CREBBP: variants seen among roughly 807,000 people sequenced by gnomAD.
CREBBP encodes CREB binding lysine acetyltransferase.
In CREBBP, 19 loss-of-function variants were observed where a neutral mutation model predicts 265.0. The observed-to-expected ratio is 0.07, with a 90% CI of 0.05 to 0.11. The LOEUF (loss-of-function observed/expected upper bound fraction) is 0.11, where lower values mean the gene tolerates loss of function less well. Among genes scored for constraint, CREBBP ranks in the 10% least tolerant of loss-of-function variants. CREBBP has a pLI of 1.00. For missense variants in CREBBP, 2,525 were observed against 3,219.0 expected (o/e 0.78, Z 5.22); for synonymous variants, 1,457 against 1,223.7 (o/e 1.19, Z -3.98).
chr16:3,844,960 A>G (rs1252026884), intron 2 of CREBBP, among the ~76,000 whole-genome samples: 1 of 152,224 alleles, frequency 6.6e-6, no homozygotes, highest in African/African-American at 2.4e-5. Flanking sequence ...GATAATTTAT[A>G]TGTATAAGAA....
At chr16:3,804,458 G>A (rs2053788949) in intron 3 of CREBBP, among the ~76,000 whole-genome samples, 1 of 152,180 alleles carries the variant, frequency 6.6e-6, no homozygotes, top group African/African-American at 2.4e-5. Flanking sequence ...TCAAAGGGTT[G>A]TGGAAAAGGT....
intron 18 of CREBBP, 79 bp from the exon 19 acceptor site, chr16:3,757,455 A>C (rs928876917): frequency 4.2e-6 from 5 of 1,185,400 alleles, no homozygotes; most frequent in Middle Eastern, 2.3e-4. Flanking sequence ...TCTACTATAG[A>C]GACTAGTAAA....
intron 15 of CREBBP, among the ~76,000 whole-genome samples, chr16:3,768,858 C>T (rs1053115908): frequency 1.3e-5 from 2 of 152,286 alleles, no homozygotes; most frequent in African/African-American, 4.8e-5. Flanking sequence ...GAATCCACCA[C>T]CCCTTCTGTA....
At chr16:3,749,078 C>T (rs868212561) in intron 21 of CREBBP, among the ~76,000 whole-genome samples, 2 of 152,280 alleles carry the variant, frequency 1.3e-5, no homozygotes, top group East Asian at 1.9e-4. Flanking sequence ...ACCCGGGAGG[C>T]GGAGCCTGCA....
chr16:3,832,911 A>G (rs1183922428), intron 2 of CREBBP, among the ~76,000 whole-genome samples: 1 of 152,176 alleles, frequency 6.6e-6, no homozygotes, highest in Non-Finnish European at 1.5e-5. Context: ...AAAACACCCT[A>G]TGATTCATCT....
intron 2 of CREBBP, among the ~76,000 whole-genome samples, chr16:3,827,532 C>T (rs1387741998): frequency 2.0e-5 from 3 of 151,840 alleles, no homozygotes; most frequent in Non-Finnish European, 4.4e-5. Flanking sequence ...GCTGGGACTA[C>T]AGGCGCCCGC....
chr16:3,735,998 G>A (rs2052047789), intron 28 of CREBBP, 38 bp downstream of exon 28: 1 of 1,614,114 alleles, frequency 6.2e-7, no homozygotes, highest in Non-Finnish European at 8.5e-7. Flanking sequence ...AGCTCCAGCG[G>A]GACACGTGGG....
intron 2 of CREBBP, among the ~76,000 whole-genome samples, chr16:3,849,702 C>T (rs1260627076): frequency 6.6e-6 from 1 of 151,536 alleles, no homozygotes; most frequent in Non-Finnish European, 1.5e-5. Context: ...GCCCAGGCCC[C>T]ACGCCGAGCT....
chr16:3,855,284 G>A (rs2054935623), intron 1 of CREBBP, among the ~76,000 whole-genome samples: 2 of 152,154 alleles, frequency 1.3e-5, no homozygotes, highest in Non-Finnish European at 2.9e-5. Flanking sequence ...TTGTTTATTA[G>A]ACAGAGTCTT....
intron 3 of CREBBP, among the ~76,000 whole-genome samples, chr16:3,808,270 A>G (rs996655134): frequency 2.0e-5 from 3 of 152,172 alleles, no homozygotes; most frequent in African/African-American, 7.2e-5. Flanking sequence ...TGCTTCTCCT[A>G]ATTACTCTCC....
intron 1 of CREBBP, among the ~76,000 whole-genome samples, chr16:3,866,872 T>C (rs1272539041): frequency 1.3e-5 from 2 of 152,200 alleles, no homozygotes; most frequent in Admixed American, 6.5e-5. Context: ...TAAGTACCCA[T>C]CACTCTCCCT....
intron 1 of CREBBP, among the ~76,000 whole-genome samples, chr16:3,865,372 G>A (rs905804323): frequency 2.0e-5 from 3 of 152,236 alleles, no homozygotes; most frequent in African/African-American, 7.2e-5. Flanking sequence ...TCACATAATG[G>A]AATGGTAGAC....
At chr16:3,752,872 A>G (rs2052505525) in intron 19 of CREBBP, among the ~76,000 whole-genome samples, 1 of 152,256 alleles carries the variant, frequency 6.6e-6, no homozygotes, top group South Asian at 2.1e-4. Context: ...GCTATCAAAT[A>G]CAAACAATTA....
chr16:3,833,293 T>G (rs1305351795), intron 2 of CREBBP, among the ~76,000 whole-genome samples: 1 of 152,180 alleles, frequency 6.6e-6, no homozygotes, highest in African/African-American at 2.4e-5. Flanking sequence ...AAGCCTGTAG[T>G]CCCAGTTACT....
chr16:3,806,293 A>G (rs567103790), intron 3 of CREBBP, among the ~76,000 whole-genome samples: 1 of 152,302 alleles, frequency 6.6e-6, no homozygotes, highest in South Asian at 2.1e-4. Context: ...GACGTAGATC[A>G]GCAGCTGCCG....
intron 2 of CREBBP, among the ~76,000 whole-genome samples, chr16:3,815,550 AT>A (rs1166085466): frequency 0.013 from 1,769 of 134,806 alleles, 32 homozygotes; most frequent in African/African-American, 0.044. Flanking sequence ...AAAAAAAAAA[AT>A]TTTTTTTTTT....
chr16:3,803,113 A>G (rs1468178726), intron 3 of CREBBP, among the ~76,000 whole-genome samples: 1 of 152,038 alleles, frequency 6.6e-6, no homozygotes, highest in African/African-American at 2.4e-5. Context: ...ATTTTCATAG[A>G]GGAAATGTTT....
At chr16:3,809,423 G>A (rs935708026) in intron 3 of CREBBP, among the ~76,000 whole-genome samples, 1 of 152,048 alleles carries the variant, frequency 6.6e-6, no homozygotes, top group Admixed American at 6.5e-5. Flanking sequence ...TGATCCACCC[G>A]CCTCAGCCTC....
chr16:3,730,470 G>A (rs989524113), intron 30 of CREBBP: 2 of 158,692 alleles, frequency 1.3e-5, no homozygotes, highest in Non-Finnish European at 2.8e-5. Flanking sequence ...AAAACTGCTC[G>A]CACCTGGCAA....
Sources: gnomAD v4.1 joint callset for allele counts (sites outside exome capture counted in the v4.1 genomes callset) on GRCh38, gnomAD v4.1.1 for gene constraint, MANE v1.5 for transcripts, NCBI Gene and HGNC (gene_info 2026-07-23, HGNC 2026-07-21) for gene names.